The following FA2H variants were observed in gnomAD, a reference collection of about 807,000 sequenced individuals.
FA2H encodes the protein fatty acid 2-hydroxylase.
FA2H carries 22 observed loss-of-function variants against 44.9 expected under a neutral mutation model. The ratio of observed to expected loss-of-function variants is 0.49; its 90% CI spans 0.35 to 0.70. The LOEUF (loss-of-function observed/expected upper bound fraction) is 0.70. FA2H is among the 30% of genes least tolerant of loss of function. The pLI is 0.01. For synonymous variants in FA2H, 243 were observed against 213.2 expected, an observed-to-expected ratio of 1.14 and a Z score of -1.22; for missense variants, 501 against 504.9, an observed-to-expected ratio of 0.99 and a Z score of 0.07.
At chr16:74,717,412 G>T (rs1961731269) in intron 5 of FA2H, among the ~76,000 whole-genome samples, 1 of 152,226 alleles carries the variant, frequency 6.6e-6, no homozygotes, top group South Asian at 2.1e-4. Context: ...CTCAGGAAAA[G>T]GAGGAAGGGA....
intron 1 of FA2H, among the ~76,000 whole-genome samples, chr16:74,750,278 A>G (rs1016097933): frequency 2.2e-4 from 33 of 152,326 alleles, no homozygotes; most frequent in African/African-American, 7.2e-4. Flanking sequence ...CTAGTATAAT[A>G]AAACAAATTT....
At chr16:74,761,463 AAAGAAAG>A (rs1962708723) in intron 1 of FA2H, among the ~76,000 whole-genome samples, 31 of 107,894 alleles carry the variant, frequency 2.9e-4, no homozygotes, top group Admixed American at 1.2e-3. Context: ...AAAAAAAAAG[AAAGAAAG>A]AAAGAAAGAA....
intron 1 of FA2H, among the ~76,000 whole-genome samples, chr16:74,764,028 T>G (rs1962760963): frequency 6.6e-6 from 1 of 152,226 alleles, no homozygotes; most frequent in Non-Finnish European, 1.5e-5. Flanking sequence ...TATAAAGTAC[T>G]GAGTTGGAAG....
At chr16:74,743,902 G>A (rs1962363862) in intron 1 of FA2H, among the ~76,000 whole-genome samples, 1 of 152,184 alleles carries the variant, frequency 6.6e-6, no homozygotes, top group Admixed American at 6.5e-5. Context: ...CGCGGTGTCA[G>A]TAGCAGGAAT....
chr16:74,765,268 T>C (rs1597572229), intron 1 of FA2H, among the ~76,000 whole-genome samples: 1 of 152,024 alleles, frequency 6.6e-6, no homozygotes, highest in Non-Finnish European at 1.5e-5. Flanking sequence ...GCGACTCTCC[T>C]GCCTCAGCCT....
Position 74,774,807 on chromosome 16 carries a change from C to T in FA2H, c.-52G>A. 1.6e-6 allele frequency: 2 copies of T among 1,256,006 alleles called. No individual in the cohort carries two copies. The highest frequency in any genetic ancestry group is 6.4e-5 in the South Asian group (2 of 31,144). The allele number at this position is 1,256,006 out of a possible 1,614,324, so 77.8% of individuals were successfully genotyped here. On this transcript the variant is annotated 5_prime_UTR_variant, in exon 1 of 7. The change creates a new upstream start codon in the 5' untranslated region. Coordinates refer to ENST00000219368, the MANE Select transcript of FA2H (RefSeq NM_024306.5). The stretch of plus-strand genomic sequence containing the variant: ...CAGCCCGGCGTCTGCTCTGCTGCCA[C>T]CCTGAGCGCCTCTAACATCCCGGGA...
chr16:74,719,621 T>C (rs1201681939), intron 4 of FA2H, among the ~76,000 whole-genome samples: 1 of 152,168 alleles, frequency 6.6e-6, no homozygotes, highest in Non-Finnish European at 1.5e-5. Context: ...TACTGCAGCC[T>C]TCCCTTCCTG....
chr16:74,716,829 G>T, intron 5 of FA2H: 11 of 366,670 alleles, frequency 3.0e-5, no homozygotes, highest in East Asian at 1.2e-4. Context: ...GATTGCAAAG[G>T]AACATGGGAT....
At position 74,735,333 on chromosome 16, in the gene FA2H, G is replaced by A. The variant is rs141349190; in HGVS notation, c.363+4690C>T. Among the ~76,000 whole-genome samples, 179 of 152,268 alleles carry A rather than the reference G, an allele frequency of 1.2e-3. 7 individuals are homozygous for A. In the East Asian group the frequency reaches 0.031, roughly 27 times the overall value. ...CGGAGTGGCTGCAGGCCCGTCCTGCGCGGTCTAACTGGGACAAGCTGAAGT... is the reference window on the plus strand; with the variant it reads ...CGGAGTGGCTGCAGGCCCGTCCTGCACGGTCTAACTGGGACAAGCTGAAGT... On this transcript the variant is annotated intron_variant, in intron 2 of 6. Transcript: ENST00000219368.
chr16:74,748,130 C>G (rs1410321979), intron 1 of FA2H, among the ~76,000 whole-genome samples: 1 of 152,156 alleles, frequency 6.6e-6, no homozygotes, highest in African/African-American at 2.4e-5. Context: ...CAAATAGGTC[C>G]GTTCCTAGCC....
intron 1 of FA2H, among the ~76,000 whole-genome samples, chr16:74,756,983 C>A (rs1962624218): frequency 6.6e-6 from 1 of 151,378 alleles, no homozygotes; most frequent in South Asian, 2.1e-4. Context: ...AGGGGCAGAA[C>A]CTTCTAAGAA....
chr16:74,741,796 A>ATG (rs1444638627), intron 1 of FA2H, among the ~76,000 whole-genome samples: 21 of 78,518 alleles, frequency 2.7e-4, no homozygotes, highest in African/African-American at 1.1e-3. Flanking sequence ...ATATATATAT[A>ATG]TATATATATA....
chr16:74,758,342 G>A (rs375216186), intron 1 of FA2H, among the ~76,000 whole-genome samples: 4 of 151,742 alleles, frequency 2.6e-5, no homozygotes, highest in African/African-American at 9.7e-5. Flanking sequence ...GACTGGTCTC[G>A]AACTCCTGAC....
In FA2H at chr16:74,738,180, G is replaced by C. The variant is rs534410877; in HGVS notation, c.363+1843C>G. Among the ~76,000 whole-genome samples, 5 of 152,254 alleles carry C rather than the reference G, an allele frequency of 3.3e-5. No homozygotes were observed. The South Asian group carries it at 8.3e-4, about 25-fold the overall frequency. On this transcript the variant is annotated intron_variant, in intron 2 of 6. Coordinates refer to ENST00000219368, the MANE Select transcript of FA2H (RefSeq NM_024306.5). ...CCTCGCCCTTCCGTCTCAGCCCAGA[G>C]ACACAGGAGGAAGGGGAGGAAGAGT...
At chr16:74,714,512 C>T (rs990019543) in intron 6 of FA2H, among the ~76,000 whole-genome samples, 1 of 152,116 alleles carries the variant, frequency 6.6e-6, no homozygotes, top group Non-Finnish European at 1.5e-5. Flanking sequence ...TTCTAGGCTA[C>T]GTGGCCCCCT....
chr16:74,744,958 C>T (rs928195094), intron 1 of FA2H, among the ~76,000 whole-genome samples: 3 of 152,188 alleles, frequency 2.0e-5, no homozygotes, highest in Non-Finnish European at 2.9e-5. Context: ...TAGACCCACA[C>T]TGGCTTTCAC....
At chr16:74,714,918 G>A (rs1961660908) in intron 6 of FA2H, among the ~76,000 whole-genome samples, 1 of 149,748 alleles carries the variant, frequency 6.7e-6, no homozygotes, top group East Asian at 2.0e-4. Context: ...CTCACTGCAA[G>A]CTCCGCCTCC....
chr16:74,768,583 G>A (rs1408284843), intron 1 of FA2H, among the ~76,000 whole-genome samples: 1 of 152,224 alleles, frequency 6.6e-6, no homozygotes, highest in Non-Finnish European at 1.5e-5. Context: ...TGCTCAGAAG[G>A]TGGCGGCAGT....
At chr16:74,715,307 T>C (rs1039120966) in intron 6 of FA2H, among the ~76,000 whole-genome samples, 3 of 152,048 alleles carry the variant, frequency 2.0e-5, no homozygotes, top group African/African-American at 7.2e-5. Context: ...TAAAGAGACT[T>C]TACAAAAAGG....
Sources: gnomAD v4.1 joint callset for allele counts (sites outside exome capture counted in the v4.1 genomes callset) on GRCh38, gnomAD v4.1.1 for gene constraint, MANE v1.5 for transcripts, NCBI Gene and HGNC (gene_info 2026-07-23, HGNC 2026-07-21) for gene names.